LRP1B: variants seen among roughly 807,000 people sequenced by gnomAD.
The protein encoded by LRP1B is low-density lipoprotein receptor-related protein 1B.
LRP1B carries 217 observed loss-of-function variants against 556.6 expected under a neutral mutation model. That is an observed-to-expected ratio of 0.39 (90% confidence interval 0.35 to 0.44). The LOEUF (loss-of-function observed/expected upper bound fraction) is 0.44, where lower values mean the gene tolerates loss of function less well. Among genes scored for constraint, LRP1B ranks in the 20% least tolerant of loss-of-function variants. LRP1B has a pLI of 1.00. For synonymous variants in LRP1B, 2,047 were observed against 1,865.8 expected (o/e 1.10, Z -2.50); for missense variants, 5,053 against 5,620.8 (o/e 0.90, Z 3.23).
At position 140,492,614 on chromosome 2, in the gene LRP1B, T is replaced by C. The variant is rs781615968; in HGVS notation, c.9114A>G (p.Leu3038=). The change falls in exon 57 of 91, where the codon TTA becomes TTG. Residue 3038 remains leucine, a synonymous_variant. Coordinates refer to ENST00000389484, the MANE Select transcript of LRP1B (RefSeq NM_018557.3). Reference sequence around the variant, plus strand: ...CATCTTGGGAGTGTCATACCTGTTTTAAAAGTGTGTAGTTGGAGCCATCAG... The same window carrying C: ...CATCTTGGGAGTGTCATACCTGTTTCAAAAGTGTGTAGTTGGAGCCATCAG... ...ISTDGSNYTL[L]KQGLNNVIAI... 1.8e-5 allele frequency: 29 copies of C among 1,611,874 alleles called. No homozygotes were observed. In the Admixed American group the frequency reaches 4.8e-4, roughly 27 times the overall value.
At chr2:141,447,233 A>C (rs1198051669) in intron 3 of LRP1B, among the ~76,000 whole-genome samples, 1 of 151,612 alleles carries the variant, frequency 6.6e-6, no homozygotes, top group Non-Finnish European at 1.5e-5. Flanking sequence ...TGCTTCACGA[A>C]GTACTCGTGC....
intron 2 of LRP1B, among the ~76,000 whole-genome samples, chr2:141,544,334 C>CTTCTTCTTCTTT (rs1559131119): frequency 1.5e-5 from 1 of 66,388 alleles, no homozygotes; most frequent in African/African-American, 5.6e-5. Flanking sequence ...TCTTCTTCTT[C>CTTCTTCTTCTTT]TTCTTCTTCT....
chr2:141,293,771 T>C (rs1230769371), intron 3 of LRP1B, among the ~76,000 whole-genome samples: 1 of 152,080 alleles, frequency 6.6e-6, no homozygotes, highest in African/African-American at 2.4e-5. Flanking sequence ...TGTGACTAAG[T>C]AATCATCAAT....
At chr2:141,614,186 C>T (rs1688215388) in intron 2 of LRP1B, among the ~76,000 whole-genome samples, 1 of 150,596 alleles carries the variant, frequency 6.6e-6, no homozygotes, top group African/African-American at 2.4e-5. Context: ...GAGGTAAATG[C>T]TGCATAAAAC....
At position 140,391,463 on chromosome 2, in the gene LRP1B, C is replaced by T. The variant is rs57098548; in HGVS notation, c.10415-5454G>A. ...TATCTTGTTTTGGGTGTCTGTCACA[C>T]GTTGTATACTGTAGAAGAAACTCAT... On this transcript the variant is annotated intron_variant, in intron 66 of 90. Transcript: ENST00000389484. Among the ~76,000 whole-genome samples, 318 of 151,302 alleles carry T rather than the reference C, an allele frequency of 2.1e-3. 1 individual carries two copies. Among genetic ancestry groups the T allele is most frequent in the Middle Eastern group, 6.8e-3 (2 of 292 alleles).
chr2:140,728,704 G>A (rs1687676116), intron 35 of LRP1B, among the ~76,000 whole-genome samples: 1 of 151,922 alleles, frequency 6.6e-6, no homozygotes, highest in South Asian at 2.1e-4. Flanking sequence ...CATCCCTGGT[G>A]AAAAAAATAA....
chr2:141,611,068 G>A (rs1178211794), intron 2 of LRP1B, among the ~76,000 whole-genome samples: 1 of 152,174 alleles, frequency 6.6e-6, no homozygotes, highest in Non-Finnish European at 1.5e-5. Flanking sequence ...AGGATCTCTA[G>A]CTGCTAGAAT....
At chr2:141,348,689 G>A (rs1244819661) in intron 3 of LRP1B, among the ~76,000 whole-genome samples, 2 of 151,864 alleles carry the variant, frequency 1.3e-5, no homozygotes, top group African/African-American at 4.8e-5. Context: ...ATTCCAGGTG[G>A]CCAGACTTAG....
intron 25 of LRP1B, among the ~76,000 whole-genome samples, chr2:140,874,887 C>T (rs1330093671): frequency 1.3e-5 from 2 of 152,004 alleles, no homozygotes; most frequent in East Asian, 1.9e-4. Flanking sequence ...GGCGTGGTGG[C>T]AGGCACCTGT....
chr2:141,169,800 C>CAAAAAAA (rs574461113), intron 7 of LRP1B, among the ~76,000 whole-genome samples: 3 of 87,394 alleles, frequency 3.4e-5, no homozygotes, highest in East Asian at 3.3e-4. Context: ...ACACCTTAAC[C>CAAAAAAA]AAAAAAAAAA....
chr2:141,821,359 T>A (rs901549069), intron 1 of LRP1B, among the ~76,000 whole-genome samples: 1 of 152,210 alleles, frequency 6.6e-6, no homozygotes, highest in Admixed American at 6.5e-5. Context: ...TGCAAGCTAG[T>A]GTACCATTAA....
intron 35 of LRP1B, among the ~76,000 whole-genome samples, chr2:140,758,632 AG>A (rs774804259): frequency 3.3e-5 from 5 of 152,048 alleles, no homozygotes; most frequent in Non-Finnish European, 5.9e-5. Context: ...TTTACTTAAC[AG>A]GGTTTTAAAT....
At chr2:140,536,277 C>T (rs1396044964) in intron 46 of LRP1B, among the ~76,000 whole-genome samples, 1 of 125,136 alleles carries the variant, frequency 8.0e-6, no homozygotes, top group African/African-American at 3.2e-5. Context: ...GAGTTTGAGA[C>T]CAGTCTGGGC....
chr2:140,700,313 C>T lies in LRP1B; in HGVS notation c.6736G>A (p.Ala2246Thr), dbSNP rs2105419934. The T allele has an allele frequency of 6.2e-7, 1 of 1,612,340 alleles. No homozygotes were observed. The change falls in exon 41 of 91, where the codon GCA (alanine) becomes ACA (threonine). Residue 2246 changes from alanine (A) to threonine (T), a missense_variant. Around this residue, in one of 5 missense-constraint regions of LRP1B, gnomAD observed 3,619 missense variants for 3,931.9 expected, o/e 0.92. Coordinates refer to ENST00000389484, the MANE Select transcript of LRP1B (RefSeq NM_018557.3). ...KGTNRIFYSD[A>T]HFGNIQLIKD... ...ATAAGCTGTATATTTCCAAAGTGTG[C>T]ATCACTGTAAAAGATTCGGTTGGTA...
intron 7 of LRP1B, among the ~76,000 whole-genome samples, chr2:141,170,901 G>C (rs1248898845): frequency 6.6e-6 from 1 of 152,068 alleles, no homozygotes; most frequent in African/African-American, 2.4e-5. Flanking sequence ...CTATAAAGCA[G>C]AAAAGATAGT....
Position 141,996,441 on chromosome 2 carries a change from T to C in LRP1B, c.82+134207A>G, listed in dbSNP as rs150444709. ...TTACCACATCAGTCAAAGATGTTAATAGTTTTTACTTTGCAAGGTAGTACT... is the reference window on the plus strand; with the variant it reads ...TTACCACATCAGTCAAAGATGTTAACAGTTTTTACTTTGCAAGGTAGTACT... On this transcript the variant is annotated intron_variant, in intron 1 of 90. Transcript: ENST00000389484. 7.5e-3 allele frequency among the ~76,000 whole-genome samples: 1,144 copies of C among 152,246 alleles called. 10 individuals carry two copies. The highest frequency in any genetic ancestry group is 0.014 in the Middle Eastern group (4 of 292).
At chr2:140,800,643 C>A (rs1278433616) in intron 32 of LRP1B, among the ~76,000 whole-genome samples, 2 of 152,062 alleles carry the variant, frequency 1.3e-5, no homozygotes, top group Non-Finnish European at 2.9e-5. Context: ...ATGAGACTAC[C>A]TTTAAGAACC....
At chr2:141,986,217 T>G (rs1353361747) in intron 1 of LRP1B, among the ~76,000 whole-genome samples, 1 of 151,998 alleles carries the variant, frequency 6.6e-6, no homozygotes, top group Non-Finnish European at 1.5e-5. Flanking sequence ...TATACTTACG[T>G]CACTGAATTG....
chr2:140,955,788 T>C (rs904759630), intron 18 of LRP1B, among the ~76,000 whole-genome samples: 1 of 151,678 alleles, frequency 6.6e-6, no homozygotes, highest in African/African-American at 2.4e-5. Context: ...ATACAAAGCT[T>C]AGAGGAATGT....
Sources: gnomAD v4.1 joint callset for allele counts (sites outside exome capture counted in the v4.1 genomes callset) on GRCh38, gnomAD v4.1.1 for gene constraint, gnomAD v4.1.1 regional missense constraint, MANE v1.5 for transcripts, NCBI Gene and HGNC (gene_info 2026-07-23, HGNC 2026-07-21) for gene names.